Variants in COL19A1 observed in about 807,000 individuals in gnomAD.
COL19A1 encodes collagen type XIX alpha 1 chain, also known as collagen alpha-1(XIX) chain.
Under a neutral mutation model 190.2 loss-of-function variants are expected in COL19A1, and 159 were observed. That is an observed-to-expected ratio of 0.84 (90% CI 0.73 to 0.95). COL19A1 has a LOEUF of 0.95. Ranked by LOEUF, COL19A1 falls within the 40% of genes least tolerant of loss-of-function variation. The pLI, the probability that COL19A1 is intolerant of heterozygous loss-of-function variation, is 0.00. For missense variants in COL19A1, 1,418 were observed against 1,431.9 expected, an observed-to-expected ratio of 0.99 and a Z score of 0.16; for synonymous variants, 509 against 458.9, an observed-to-expected ratio of 1.11 and a Z score of -1.39.
At position 70,022,653 on chromosome 6, in the gene COL19A1, A is replaced by G. The variant is rs1317373631; in HGVS notation, c.1027-974A>G. Among the ~76,000 whole-genome samples, 4 of 152,224 alleles carry G rather than the reference A, an allele frequency of 2.6e-5. No homozygotes were observed. In the South Asian group the frequency reaches 6.2e-4, roughly 24 times the overall value. On this transcript the variant is annotated intron_variant, in intron 11 of 50. Transcript: ENST00000620364. Reference sequence around the variant, plus strand: ...ACAGTGGTATTAGTGACCATTCTGAACATTTGTAACTTTAATAGAAATATA... The same window carrying G: ...ACAGTGGTATTAGTGACCATTCTGAGCATTTGTAACTTTAATAGAAATATA...
chr6:70,093,117 C>T (rs182394159), intron 15 of COL19A1, among the ~76,000 whole-genome samples: 1 of 152,216 alleles, frequency 6.6e-6, no homozygotes, highest in African/African-American at 2.4e-5. Flanking sequence ...ATTCATGAGG[C>T]ATTGTGAAAG....
intron 49 of COL19A1, among the ~76,000 whole-genome samples, chr6:70,205,597 T>C (rs17747228): frequency 0.039 from 5,922 of 152,290 alleles, 158 homozygotes; most frequent in Non-Finnish European, 0.06. Flanking sequence ...TGTTTAAGTA[T>C]GAAAAAGTTG....
At chr6:70,093,260 C>T (rs187028470) in intron 15 of COL19A1, among the ~76,000 whole-genome samples, 5 of 152,162 alleles carry the variant, frequency 3.3e-5, no homozygotes, top group Admixed American at 1.3e-4. Flanking sequence ...GAGGAAAGAA[C>T]GTTTTCACAA....
chr6:69,873,517 C>T (rs1472382205), intron 1 of COL19A1, among the ~76,000 whole-genome samples: 1 of 152,146 alleles, frequency 6.6e-6, no homozygotes, highest in East Asian at 1.9e-4. Context: ...CCAACTCATC[C>T]CATATCACCT....
intron 9 of COL19A1, among the ~76,000 whole-genome samples, chr6:69,946,775 T>C (rs1402917556): frequency 6.6e-6 from 1 of 151,876 alleles, no homozygotes; most frequent in Non-Finnish European, 1.5e-5. Context: ...GATATGATGG[T>C]TTACTCTTTG....
chr6:69,932,952 C>A, intron 7 of COL19A1, 89 bp downstream of exon 7: 2 of 814,504 alleles, frequency 2.5e-6, no homozygotes, highest in South Asian at 1.8e-5. Context: ...TAGGGTAGCA[C>A]TGAGTGTGTT....
chr6:69,915,247 A>T (rs989796734), intron 4 of COL19A1, among the ~76,000 whole-genome samples: 2 of 152,244 alleles, frequency 1.3e-5, no homozygotes, highest in African/African-American at 4.8e-5. Context: ...TCTTGACAAC[A>T]ACCCACCAGG....
In COL19A1 at chr6:70,208,474, C is replaced by T. The variant is rs1768020694; in HGVS notation, c.*1200C>T. 6.6e-6 allele frequency: 1 copy of T among 152,224 alleles called. No homozygotes were observed. The highest frequency in any genetic ancestry group is 1.5e-5 in the Non-Finnish European group (1 of 68,076). The allele number at this position is 152,224 out of a possible 1,614,324, so 9.4% of individuals were successfully genotyped here. A position where few individuals can be genotyped will look rare whatever the true frequency, so the allele number is the denominator to read the frequency against. ...TTCACACCCACTCTAAAACCATGTC[C>T]TCTGAAAAGAAACAAAAATACAGTG... is the stretch of plus-strand genomic sequence containing the variant. On this transcript the variant is annotated 3_prime_UTR_variant, in exon 51 of 51. Transcript: ENST00000620364.
intron 11 of COL19A1, among the ~76,000 whole-genome samples, chr6:69,971,444 C>T (rs75430011): frequency 6.6e-6 from 1 of 152,262 alleles, no homozygotes; most frequent in Non-Finnish European, 1.5e-5. Flanking sequence ...GAAAAACCCT[C>T]ACGAGAACTA....
At chr6:69,871,027 TATA>T (rs1342013415) in intron 1 of COL19A1, among the ~76,000 whole-genome samples, 1 of 152,078 alleles carries the variant, frequency 6.6e-6, no homozygotes, top group African/African-American at 2.4e-5. Flanking sequence ...TTCTGTAGAA[TATA>T]ATGAGGGCAG....
intron 40 of COL19A1, among the ~76,000 whole-genome samples, chr6:70,171,313 T>A (rs1167136649): frequency 1.3e-5 from 2 of 152,172 alleles, no homozygotes; most frequent in African/African-American, 4.8e-5. Flanking sequence ...TCACCACAGC[T>A]TTTCCCAAAG....
Position 70,208,111 on chromosome 6 carries a change from A to G in COL19A1, c.*837A>G, listed in dbSNP as rs1768004676. ...TAAACAGAAAGCTGTTTTCCCTACA[A>G]GGTGCTTGGTGGTGAAGCCACCAAG... On this transcript the variant is annotated 3_prime_UTR_variant, in exon 51 of 51. Transcript: ENST00000620364. The G allele has an allele frequency of 1.3e-5, 2 of 152,150 alleles. No individual in the cohort carries two copies. The highest frequency in any genetic ancestry group is 4.8e-5 in the African/African-American group (2 of 41,438). The allele number at this position is 152,150 out of a possible 1,614,324, so 9.4% of individuals were successfully genotyped here.
At chr6:70,048,318 T>A (rs1780016369) in intron 14 of COL19A1, among the ~76,000 whole-genome samples, 1 of 152,146 alleles carries the variant, frequency 6.6e-6, no homozygotes, top group Non-Finnish European at 1.5e-5. Context: ...TTTGAAATAA[T>A]TATTTTTCTA....
chr6:70,148,016 G>A (rs375151872), intron 27 of COL19A1, among the ~76,000 whole-genome samples: 10 of 152,098 alleles, frequency 6.6e-5, no homozygotes, highest in African/African-American at 2.4e-4. Context: ...GTCTGGAAGG[G>A]TCCCTGAGTG....
At position 70,207,717 on chromosome 6, in the gene COL19A1, C is replaced by T. The variant is rs1767978803; in HGVS notation, c.*443C>T. 6.6e-6 allele frequency: 1 copy of T among 152,414 alleles called. No homozygotes were observed. Among genetic ancestry groups the T allele is most frequent in the South Asian group, 2.1e-4 (1 of 4,826 alleles). The allele number at this position is 152,414 out of a possible 1,614,324, so 9.4% of individuals were successfully genotyped here. ...AATTTACTATCATTGCTAAACATCT[C>T]GTCAACTTTTTTGATATAGTGCATT... On this transcript the variant is annotated 3_prime_UTR_variant, in exon 51 of 51. Coordinates refer to ENST00000620364, the MANE Select transcript of COL19A1 (RefSeq NM_001858.6).
At chr6:70,177,735 G>A (rs773875615) in intron 42 of COL19A1, among the ~76,000 whole-genome samples, 3 of 152,302 alleles carry the variant, frequency 2.0e-5, no homozygotes, top group Non-Finnish European at 4.4e-5. Flanking sequence ...GTTTCTGGAA[G>A]TGTCCTTAGA....
At chr6:70,027,906 G>T (rs1778814806) in intron 12 of COL19A1, among the ~76,000 whole-genome samples, 1 of 152,074 alleles carries the variant, frequency 6.6e-6, no homozygotes, top group African/African-American at 2.4e-5. Context: ...TCCCAGCTCT[G>T]CCACTAACTA....
intron 4 of COL19A1, among the ~76,000 whole-genome samples, chr6:69,909,632 G>C (rs1303785509): frequency 6.6e-6 from 1 of 152,092 alleles, no homozygotes; most frequent in African/African-American, 2.4e-5. Context: ...AATTACATGA[G>C]ATAATTTCTA....
intron 11 of COL19A1, among the ~76,000 whole-genome samples, chr6:69,984,541 C>T (rs1033357501): frequency 1.3e-5 from 2 of 152,000 alleles, no homozygotes; most frequent in Non-Finnish European, 2.9e-5. Context: ...ATATTTACAT[C>T]CTGTTCTTAA....
Sources: allele counts gnomAD v4.1 joint callset (sites outside exome capture counted in the v4.1 genomes callset), GRCh38; gene constraint gnomAD v4.1.1; transcripts MANE v1.5; gene names NCBI Gene and HGNC (gene_info 2026-07-23, HGNC 2026-07-21).